The following CDK14 variants were observed in gnomAD, a reference collection of about 807,000 sequenced individuals.
CDK14 encodes the protein cyclin-dependent kinase 14.
In CDK14, 34 loss-of-function variants were observed where a neutral mutation model predicts 60.7. The ratio of observed to expected loss-of-function variants is 0.56; its 90% CI spans 0.43 to 0.75. The LOEUF is 0.75. Ranked by LOEUF, CDK14 falls within the 30% of genes least tolerant of loss-of-function variation. The pLI is 0.00. For missense variants in CDK14, 482 were observed against 564.1 expected (o/e 0.85, Z 1.47); for synonymous variants, 197 against 203.7 (o/e 0.97, Z 0.28).
At chr7:90,639,968 A>G (rs184415006) in intron 2 of CDK14, among the ~76,000 whole-genome samples, 31 of 152,232 alleles carry the variant, frequency 2.0e-4, no homozygotes, top group African/African-American at 6.3e-4. Flanking sequence ...TTAAGCCCGT[A>G]GGAAAAGCGC....
At chr7:91,040,039 G>GTC (rs1459345572) in intron 10 of CDK14, among the ~76,000 whole-genome samples, 1 of 152,132 alleles carries the variant, frequency 6.6e-6, no homozygotes, top group African/African-American at 2.4e-5. Context: ...GTGAGCCATG[G>GTC]TCACACCACT....
intron 2 of CDK14, among the ~76,000 whole-genome samples, chr7:90,716,010 T>C (rs573640121): frequency 6.6e-6 from 1 of 152,140 alleles, no homozygotes; most frequent in East Asian, 1.9e-4. Flanking sequence ...ATGATATGAA[T>C]TCTGCACTCC....
intron 14 of CDK14, among the ~76,000 whole-genome samples, chr7:91,134,901 G>A (rs1010289457): frequency 1.3e-5 from 2 of 152,046 alleles, no homozygotes; most frequent in Non-Finnish European, 2.9e-5. Context: ...ATAATTTATA[G>A]AATTTTTTGT....
intron 7 of CDK14, among the ~76,000 whole-genome samples, chr7:90,911,867 A>G (rs1234395174): frequency 1.3e-5 from 2 of 152,274 alleles, no homozygotes; most frequent in African/African-American, 2.4e-5. Context: ...AATTGTGAAG[A>G]GTTTCAGAAG....
intron 9 of CDK14, among the ~76,000 whole-genome samples, chr7:90,980,484 A>G (rs1367669903): frequency 6.6e-6 from 1 of 152,154 alleles, no homozygotes; most frequent in Non-Finnish European, 1.5e-5. Flanking sequence ...CATGGGGCTA[A>G]TGGAGGGTAG....
At chr7:90,740,031 A>G (rs116871628) in intron 3 of CDK14, among the ~76,000 whole-genome samples, 2,332 of 152,134 alleles carry the variant, frequency 0.015, 21 homozygotes, top group Middle Eastern at 0.027. Flanking sequence ...GTATCTTACA[A>G]ATTTCTTGAA....
At chr7:91,182,565 A>T (rs905612437) in intron 14 of CDK14, among the ~76,000 whole-genome samples, 1 of 151,986 alleles carries the variant, frequency 6.6e-6, no homozygotes, top group Non-Finnish European at 1.5e-5. Context: ...TTAAAAAAAT[A>T]GGATATATAT....
At position 91,210,506 on chromosome 7, in the gene CDK14, A is replaced by G. The variant is rs2116045641; in HGVS notation, c.*3370A>G. On this transcript the variant is annotated 3_prime_UTR_variant, in exon 15 of 15. Transcript: ENST00000380050. ...TTGTTACCAGTTGTAATTTGTCTGT[A>G]TTATGAAAGATGTAATGGTTTGTCA... 1 of 152,400 alleles carries G rather than the reference A, an allele frequency of 6.6e-6. No homozygotes were observed. Among genetic ancestry groups the G allele is most frequent in the Middle Eastern group, 3.4e-3 (1 of 294 alleles). The allele number at this position is 152,400 out of a possible 1,614,324, so 9.4% of individuals were successfully genotyped here.
intron 8 of CDK14, among the ~76,000 whole-genome samples, chr7:90,947,016 A>T (rs765356126): frequency 4.6e-5 from 7 of 152,212 alleles, no homozygotes; most frequent in Non-Finnish European, 7.3e-5. Flanking sequence ...TTCTCATTTC[A>T]GCAACCAGAC....
chr7:90,920,309 ATT>A (rs1793208771), intron 8 of CDK14, among the ~76,000 whole-genome samples: 1 of 152,224 alleles, frequency 6.6e-6, no homozygotes. Context: ...AAAACCGTAA[ATT>A]TTTGACTAAA....
At chr7:90,621,929 G>C (rs1396786185) in intron 2 of CDK14, among the ~76,000 whole-genome samples, 3 of 152,324 alleles carry the variant, frequency 2.0e-5, no homozygotes, top group African/African-American at 7.2e-5. Context: ...CCTCACGCCA[G>C]TTTAAGTAGC....
At chr7:90,657,155 T>TATC (rs1339081560) in intron 2 of CDK14, among the ~76,000 whole-genome samples, 1 of 152,230 alleles carries the variant, frequency 6.6e-6, no homozygotes, top group East Asian at 1.9e-4. Flanking sequence ...AGTAAGAGAC[T>TATC]ATCATAGTTT....
At chr7:91,003,968 C>A (rs1795911985) in intron 10 of CDK14, among the ~76,000 whole-genome samples, 1 of 152,130 alleles carries the variant, frequency 6.6e-6, no homozygotes, top group South Asian at 2.1e-4. Flanking sequence ...GCCAGATTCC[C>A]CTAAACACAC....
chr7:91,201,390 G>A (rs187817599), intron 14 of CDK14, among the ~76,000 whole-genome samples: 113 of 152,158 alleles, frequency 7.4e-4, no homozygotes, highest in African/African-American at 2.5e-3. Context: ...CACAATTTAG[G>A]CGATGAAAGG....
At chr7:90,635,075 T>C (rs1345374654) in intron 2 of CDK14, among the ~76,000 whole-genome samples, 6 of 152,028 alleles carry the variant, frequency 3.9e-5, no homozygotes, top group Admixed American at 6.6e-5. Flanking sequence ...TTCTCCCATT[T>C]TGTAGGTTGC....
intron 14 of CDK14, among the ~76,000 whole-genome samples, chr7:91,118,559 T>G (rs1307195293): frequency 6.6e-6 from 1 of 152,240 alleles, no homozygotes; most frequent in Admixed American, 6.5e-5. Context: ...GCCCATGCAA[T>G]TTTTCTAATT....
At chr7:90,717,527 T>C (rs1004314534) in intron 2 of CDK14, among the ~76,000 whole-genome samples, 5 of 152,090 alleles carry the variant, frequency 3.3e-5, no homozygotes, top group African/African-American at 1.2e-4. Context: ...GCTGAGGAAT[T>C]CAGGATTTAA....
intron 13 of CDK14, among the ~76,000 whole-genome samples, chr7:91,116,091 A>G (rs925352053): frequency 6.6e-6 from 1 of 152,212 alleles, no homozygotes; most frequent in Non-Finnish European, 1.5e-5. Context: ...GCAGGGAAGT[A>G]AATGGAGGGC....
At chr7:90,643,056 GA>G (rs1800377502) in intron 2 of CDK14, among the ~76,000 whole-genome samples, 1 of 152,206 alleles carries the variant, frequency 6.6e-6, no homozygotes, top group Non-Finnish European at 1.5e-5. Context: ...CGTCAAGTAT[GA>G]AAAGGTGTTT....
Sources: gnomAD v4.1 joint callset for allele counts (sites outside exome capture counted in the v4.1 genomes callset) on GRCh38, gnomAD v4.1.1 for gene constraint, MANE v1.5 for transcripts, NCBI Gene and HGNC (gene_info 2026-07-23, HGNC 2026-07-21) for gene names.